The following TTC34 variants were observed in gnomAD, a reference collection of about 807,000 sequenced individuals.
TTC34 encodes tetratricopeptide repeat domain 34.
In TTC34, 44 loss-of-function variants were observed where a neutral mutation model predicts 40.7. The ratio of observed to expected loss-of-function variants is 1.08; its 90% confidence interval spans 0.85 to 1.39. The LOEUF is 1.39. Among genes scored for constraint, TTC34 ranks in the 40% most tolerant of loss-of-function variants. The probability of loss-of-function intolerance (pLI) is 0.00; values close to 1 mark genes in which losing one functional copy is unlikely to be tolerated. For missense variants in TTC34, 884 were observed against 838.0 expected (o/e 1.05, Z -0.68); for synonymous variants, 422 against 398.6 (o/e 1.06, Z -0.70).
intron 6 of TTC34, among the ~76,000 whole-genome samples, chr1:2,650,263 G>C (rs1356343069): frequency 6.6e-6 from 1 of 150,462 alleles, no homozygotes; most frequent in African/African-American, 2.5e-5. Context: ...ACATCCCCAG[G>C]TGAGCTTCTG....
chr1:2,793,880 A>G (rs1053145794), intron 2 of TTC34, among the ~76,000 whole-genome samples: 9 of 151,684 alleles, frequency 5.9e-5, no homozygotes, highest in African/African-American at 2.2e-4. Flanking sequence ...TTCCTTCTCC[A>G]TCTTCTGCTT....
rs1234000659 is a variant in TTC34, at chr1:2,694,029, C to A, written c.2227-48466G>T. ...GACCGCCTGGAACAGCACCCACACC[C>A]CCAGGCGAGCATCTCACAGCACGTA... is the stretch of plus-strand genomic sequence containing the variant. On this transcript the variant is annotated intron_variant, in intron 6 of 8. Transcript: ENST00000401095. 8.7e-5 allele frequency among the ~76,000 whole-genome samples: 9 copies of A among 103,882 alleles called. No individual in the cohort carries two copies. In the South Asian group the frequency reaches 2.0e-3, roughly 23 times the overall value. The allele number at this position is 103,882 out of a possible 152,430, so 68.2% of individuals were successfully genotyped here. A position where few individuals can be genotyped will look rare whatever the true frequency, so the allele number is the denominator to read the frequency against.
chr1:2,791,072 T>C (rs1232419286), intron 2 of TTC34, among the ~76,000 whole-genome samples: 1 of 152,170 alleles, frequency 6.6e-6, no homozygotes, highest in Non-Finnish European at 1.5e-5. Flanking sequence ...TGGTGCATCG[T>C]GTGAGTCAGT....
chr1:2,639,752 CCT>C (rs1173800046), exon 9 of TTC34: 1 of 152,326 alleles, frequency 6.6e-6, no homozygotes, highest in African/African-American at 2.4e-5. Context: ...GCTGAAGGTC[CCT>C]GTCAGGGCCC....
At chr1:2,691,625 C>G (rs1363782350) in intron 6 of TTC34, among the ~76,000 whole-genome samples, 1,253 of 101,150 alleles carry the variant, frequency 0.012, no homozygotes, top group Non-Finnish European at 0.018. Context: ...ACCCTGCACC[C>G]CCAGGTGCGC....
At chr1:2,753,227 C>A (rs1348721335) in intron 6 of TTC34, among the ~76,000 whole-genome samples, 9 of 114,042 alleles carry the variant, frequency 7.9e-5, no homozygotes, top group Admixed American at 6.5e-4. Context: ...CACAGGTGAG[C>A]ATCTGACAGC....
In TTC34 at chr1:2,645,469, A is replaced by G. The variant is rs72646028; in HGVS notation, c.2321T>C (p.Ile774Thr). Residue 774 changes from isoleucine to threonine, a missense_variant, in exon 7 of 9, where the codon ATC (isoleucine) becomes ACC (threonine). Physicochemically the swap from Ile to Thr is moderately conservative, Grantham distance 89 (BLOSUM62 -1). Coordinates refer to ENST00000401095, the Ensembl canonical transcript of TTC34. This position sits in a 1 kb window ranked among gnomAD's most constrained non-coding sequence, Gnocchi z 4.7. ...GCAGTGGGAGTAGAGGCCCTGTGTG[A>G]TGAGGGCCTGGGCTTCCGGCTTCAG... 1.8e-5 allele frequency: 28 copies of G among 1,532,430 alleles called. No individual in the cohort carries two copies. Among genetic ancestry groups the G allele is most frequent in the Non-Finnish European group, 2.2e-5 (25 of 1,145,852 alleles). The allele number at this position is 1,532,430 out of a possible 1,614,324, so 94.9% of individuals were successfully genotyped here.
At chr1:2,695,127 T>A (rs572970983) in intron 6 of TTC34, among the ~76,000 whole-genome samples, 1 of 116,066 alleles carries the variant, frequency 8.6e-6, no homozygotes, top group Non-Finnish European at 1.9e-5. Flanking sequence ...AAGATGAGCA[T>A]CTGACAGCGT....
intron 6 of TTC34, among the ~76,000 whole-genome samples, chr1:2,696,372 C>T (rs966430139): frequency 3.0e-3 from 118 of 39,758 alleles, no homozygotes; most frequent in Non-Finnish European, 4.2e-3. Flanking sequence ...AGGCGAGGAT[C>T]GGACAGCCTG....
intron 6 of TTC34, among the ~76,000 whole-genome samples, chr1:2,660,780 C>T (rs1326913814): frequency 7.2e-6 from 1 of 138,664 alleles, no homozygotes; most frequent in Admixed American, 7.1e-5. Flanking sequence ...CAGACTGGAG[C>T]AGCACCCACA....
At chr1:2,800,272 C>G in exon 2 of TTC34, 1 of 398,612 alleles carries the variant, frequency 2.5e-6, no homozygotes, top group Non-Finnish European at 4.4e-6. Context: ...CTGAGCAGCG[C>G]GGGGAGGTGG....
rs559898295 is a variant in TTC34 at position 2,645,982 on chromosome 1, A to G, written c.2227-419T>C. Among the ~76,000 whole-genome samples the G allele has an allele frequency of 5.0e-4, 76 of 151,648 alleles. No individual in the cohort carries two copies. Among genetic ancestry groups the G allele is most frequent in the Non-Finnish European group, 1.0e-3 (69 of 67,880 alleles). On this transcript the variant is annotated intron_variant, in intron 6 of 8. Transcript: ENST00000401095. The surrounding 1 kb of genome is among the most constrained non-coding windows in gnomAD (Gnocchi z 4.7). ...GTCACCTCACAGTGGGGGACGCTGG[A>G]GCTCCTTGGGTATCCGGGTGCTGCT...
intron 6 of TTC34, among the ~76,000 whole-genome samples, chr1:2,755,003 C>T (rs1489233964): frequency 1.4e-3 from 49 of 36,064 alleles, no homozygotes; most frequent in African/African-American, 3.1e-3. Flanking sequence ...TCTCACAGCA[C>T]GTAACAGCAC....
chr1:2,753,941 A>C (rs1444783242), intron 6 of TTC34, among the ~76,000 whole-genome samples: 6 of 34,910 alleles, frequency 1.7e-4, no homozygotes, highest in East Asian at 1.2e-3. Flanking sequence ...CCCACAGACC[A>C]AGGTGAGCAT....
chr1:2,783,552 G>C, intron 6 of TTC34, 57 bp downstream of exon 6: 1 of 1,311,788 alleles, frequency 7.6e-7, no homozygotes, highest in South Asian at 2.4e-5. Context: ...GAGGAAGGCA[G>C]CTCCCTGGGT....
intron 8 of TTC34, among the ~76,000 whole-genome samples, chr1:2,643,169 C>T (rs895678446): frequency 1.3e-5 from 2 of 152,340 alleles, no homozygotes; most frequent in South Asian, 4.1e-4. Context: ...CGACCCCAGA[C>T]TCCCCTGAGC....
rs560303374 is a variant in TTC34, at chr1:2,767,988, G to A, written c.2226+15621C>T. ...CCCCACTCACAGGTGATGTGACTGC[G>A]TGGAACAGCACGTCCCCTCAGGTGA... On this transcript the variant is annotated intron_variant, in intron 6 of 8. Transcript: ENST00000401095. Among the ~76,000 whole-genome samples the A allele has an allele frequency of 1.2e-4, 18 of 150,720 alleles. 1 individual carries two copies. The highest frequency in any genetic ancestry group is 5.3e-4 in the Admixed American group (8 of 15,148).
At chr1:2,651,500 C>T (rs566972360) in intron 6 of TTC34, among the ~76,000 whole-genome samples, 5 of 152,016 alleles carry the variant, frequency 3.3e-5, no homozygotes, top group Admixed American at 6.5e-5. Flanking sequence ...ATCTGACAGC[C>T]TAGAATGGCA....
rs945032948 is a variant in TTC34 at position 2,644,230 on chromosome 1, T to C, written c.2712+34A>G. ...TCTCATGCCTGTGTGCTGGGGAAGGTTGGGGTGGGAGATCTGTGGGGTTCT... is the reference window on the plus strand; with the variant it reads ...TCTCATGCCTGTGTGCTGGGGAAGGCTGGGGTGGGAGATCTGTGGGGTTCT... On this transcript the variant is annotated intron_variant, in intron 8 of 8. Transcript: ENST00000401095. 2.6e-6 allele frequency: 4 copies of C among 1,513,492 alleles called. No homozygotes were observed. The African/African-American group carries it at 4.1e-5, about 16-fold the overall frequency. The allele number at this position is 1,513,492 out of a possible 1,614,324, so 93.8% of individuals were successfully genotyped here. A position where few individuals can be genotyped will look rare whatever the true frequency, so the allele number is the denominator to read the frequency against.
Sources: gnomAD v4.1 joint callset for allele counts (sites outside exome capture counted in the v4.1 genomes callset) on GRCh38, gnomAD v4.1.1 for gene constraint, Gnocchi (gnomAD v3.1) non-coding constraint, MANE v1.5 for transcripts, NCBI Gene and HGNC (gene_info 2026-07-23, HGNC 2026-07-21) for gene names.